Variants in SLC19A1 observed in about 807,000 individuals in gnomAD.
SLC19A1 encodes reduced folate transporter.
In SLC19A1, 37 loss-of-function variants were observed where a neutral mutation model predicts 35.3. The observed-to-expected ratio is 1.05, with a 90% CI of 0.81 to 1.38. SLC19A1 has a LOEUF of 1.38. Among genes scored for constraint, SLC19A1 ranks in the 40% most tolerant of loss-of-function variants. SLC19A1 has a pLI of 0.00. For synonymous variants in SLC19A1, 460 were observed against 398.5 expected, an observed-to-expected ratio of 1.15 and a Z score of -1.84; for missense variants, 831 against 826.9, an observed-to-expected ratio of 1.00 and a Z score of -0.06.
chr21:45,532,128 C>T lies in SLC19A1; in HGVS notation c.210G>A (p.Pro70=), dbSNP rs746552854. The T allele has an allele frequency of 1.9e-6, 3 of 1,602,804 alleles. No homozygotes were observed. Among genetic ancestry groups the T allele is most frequent in the Admixed American group, 1.7e-5 (1 of 59,318 alleles). ...TREQVTNEIT[P]VLSYSYLAVL... ...CGGCCAGGTAGGAGTACGACAGCAC[C>T]GGCGTGATCTCGTTCGTGACCTGCG... The change falls in exon 3 of 6, where the codon CCG becomes CCA. Residue 70 remains proline, a synonymous_variant. Coordinates refer to ENST00000311124, the MANE Select transcript of SLC19A1 (RefSeq NM_194255.4).
chr21:45,562,206 TATCA>T (rs1190374909), intron 1 of SLC19A1, among the ~76,000 whole-genome samples: 2 of 151,470 alleles, frequency 1.3e-5, no homozygotes, highest in African/African-American at 2.4e-5. Context: ...TTAAGACAGT[TATCA>T]GTCAGAGAGC....
chr21:45,511,023 ACCCCACATCCAC>A (rs1568954629), downstream of SLC19A1: 9 of 242,464 alleles, frequency 3.7e-5, no homozygotes, highest in Non-Finnish European at 7.6e-5. Context: ...ACACATCCAC[ACCCCACATCCAC>A]ACACCCCCCC....
At chr21:45,510,196 C>T (rs1225733574), downstream of SLC19A1, 7 of 1,601,280 alleles carry the variant, frequency 4.4e-6, no homozygotes, top group Non-Finnish European at 6.0e-6. Context: ...GTCCTCGCGC[C>T]TGCAGGACCT....
downstream of SLC19A1, chr21:45,509,444 C>T (rs570703514): frequency 1.6e-5 from 25 of 1,534,554 alleles, no homozygotes; most frequent in South Asian, 8.3e-5. Flanking sequence ...CACCCCACCG[C>T]GCGGCCCTGG....
intron 5 of SLC19A1, among the ~76,000 whole-genome samples, chr21:45,518,782 A>G (rs1289070505): frequency 6.6e-6 from 1 of 152,220 alleles, no homozygotes; most frequent in Non-Finnish European, 1.5e-5. Flanking sequence ...AGAATAAAAG[A>G]GCAATCAAGA....
downstream of SLC19A1, among the ~76,000 whole-genome samples, chr21:45,507,928 A>G (rs187955517): frequency 6.0e-4 from 91 of 152,332 alleles, no homozygotes; most frequent in Non-Finnish European, 3.2e-4. Context: ...TCCCTCACCC[A>G]AAGTGCCAGA....
rs1029458378 is a variant in SLC19A1, at chr21:45,533,036, C to T, written c.190-888G>A. Among the ~76,000 whole-genome samples, 28 of 152,182 alleles carry T rather than the reference C, an allele frequency of 1.8e-4. No individual in the cohort carries two copies. The highest frequency in any genetic ancestry group is 6.5e-4 in the African/African-American group (27 of 41,450). ...GTGCACTCCCATCTCACACTTGTCCCCAGAGCAAGGTCTTTAAGGCCAGAC... is the reference window on the plus strand; with the variant it reads ...GTGCACTCCCATCTCACACTTGTCCTCAGAGCAAGGTCTTTAAGGCCAGAC... On this transcript the variant is annotated intron_variant, in intron 2 of 5. Transcript: ENST00000311124. This position sits in a 1 kb window ranked among gnomAD's most constrained non-coding sequence, Gnocchi z 4.5.
chr21:45,507,477 C>T (rs1304674803), intron 3 of SLC19A1: 16 of 383,716 alleles, frequency 4.2e-5, no homozygotes, highest in Admixed American at 2.6e-4. Context: ...GGTGCTGGGG[C>T]GGGAGAGTCG....
chr21:45,507,901 A>G (rs1308203298), downstream of SLC19A1, among the ~76,000 whole-genome samples: 1 of 152,108 alleles, frequency 6.6e-6, no homozygotes, highest in Non-Finnish European at 1.5e-5. Flanking sequence ...CAAAATCCAC[A>G]TCTTGTGTCT....
intron 1 of SLC19A1, among the ~76,000 whole-genome samples, chr21:45,562,417 A>G (rs2078624411): frequency 6.6e-6 from 1 of 152,230 alleles, no homozygotes; most frequent in African/African-American, 2.4e-5. Context: ...TTCCACTAAC[A>G]GCCTGGGAGG....
At chr21:45,505,526 C>A in intron 3 of SLC19A1, 1 of 752,962 alleles carries the variant, frequency 1.3e-6, no homozygotes, top group Non-Finnish European at 2.3e-6. Flanking sequence ...ACGGACCCCA[C>A]AGGGAGATAT....
intron 3 of SLC19A1, chr21:45,506,351 T>G (rs1272491327): frequency 5.6e-6 from 2 of 355,000 alleles, no homozygotes; most frequent in Non-Finnish European, 1.1e-5. Context: ...CGGCCCCGGC[T>G]GGGGGGCAGG....
intron 2 of SLC19A1, chr21:45,536,170 T>A: frequency 6.3e-6 from 1 of 158,562 alleles, no homozygotes. Flanking sequence ...ATCGTCCCTC[T>A]GATGATATCC....
Position 45,516,074 on chromosome 21 carries a change from C to CA in SLC19A1, c.1359dup (p.Gly454TrpfsTer82). ...TGGCCCCGCTGGCAGTGCCGCAGGC[C>CA]ATCCAGCATGGCCCCCAAGAAGTAG... On this transcript the variant is annotated frameshift_variant, in exon 6 of 6. Transcript: ENST00000311124. LOFTEE classifies it low-confidence loss of function (END_TRUNC). 1 of 1,597,516 alleles carries CA rather than the reference C, an allele frequency of 6.3e-7. No individual in the cohort carries two copies. Among genetic ancestry groups the CA allele is most frequent in the Admixed American group, 1.8e-5 (1 of 56,484 alleles).
At chr21:45,509,514 A>T, downstream of SLC19A1, 1 of 1,532,864 alleles carries the variant, frequency 6.5e-7, no homozygotes, top group African/African-American at 1.4e-5. Flanking sequence ...CCTACCCCGG[A>T]GCCCCGCACC....
In SLC19A1 at chr21:45,515,188, A is replaced by T. The variant is rs1370514409; in HGVS notation, c.*470T>A. ...TAAAAAAAAAAAAAGCATCTTTCAA[A>T]AAAGCAAGAGCACCAAGGATGACCA... On this transcript the variant is annotated 3_prime_UTR_variant, in exon 6 of 6. Coordinates refer to ENST00000311124, the MANE Select transcript of SLC19A1 (RefSeq NM_194255.4). 1.6e-5 allele frequency: 25 copies of T among 1,522,558 alleles called. 1 individual carries two copies. The highest frequency in any genetic ancestry group is 3.4e-4 in the Middle Eastern group (2 of 5,852). The allele number at this position is 1,522,558 out of a possible 1,614,324, so 94.3% of individuals were successfully genotyped here.
chr21:45,560,457 C>G (rs1376088382), intron 1 of SLC19A1, among the ~76,000 whole-genome samples: 3 of 151,540 alleles, frequency 2.0e-5, no homozygotes, highest in African/African-American at 7.3e-5. Flanking sequence ...CCCACGGTGG[C>G]GCCCACAGGA....
At chr21:45,527,296 C>T (rs900195960) in intron 4 of SLC19A1, among the ~76,000 whole-genome samples, 11 of 140,548 alleles carry the variant, frequency 7.8e-5, no homozygotes, top group African/African-American at 2.7e-4. Context: ...TGGGTATGCC[C>T]GGGCAGGCCC....
At position 45,534,533 on chromosome 21, in the gene SLC19A1, C is replaced by A. The variant is rs75217254; in HGVS notation, c.190-2385G>T. ...GCGGCCAGGGGTCCTAGAAGCCTCA[C>A]CCACCTCCGAATGAATGGAGCATGC... On this transcript the variant is annotated intron_variant, in intron 2 of 5. Coordinates refer to ENST00000311124, the MANE Select transcript of SLC19A1 (RefSeq NM_194255.4). This position sits in a 1 kb window ranked among gnomAD's most constrained non-coding sequence, Gnocchi z 4.2. 6.5e-7 allele frequency: 1 copy of A among 1,534,914 alleles called. No individual in the cohort carries two copies. The highest frequency in any genetic ancestry group is 8.7e-7 in the Non-Finnish European group (1 of 1,146,300).
Sources: allele counts gnomAD v4.1 joint callset (sites outside exome capture counted in the v4.1 genomes callset), GRCh38; gene constraint gnomAD v4.1.1; non-coding constraint Gnocchi (gnomAD v3.1); transcripts MANE v1.5; gene names NCBI Gene and HGNC (gene_info 2026-07-23, HGNC 2026-07-21).